The following GRID1 variants were observed in gnomAD, a reference collection of about 807,000 sequenced individuals.
GRID1 encodes glutamate receptor ionotropic, delta-1.
In GRID1, 28 loss-of-function variants were observed where a neutral mutation model predicts 98.0. The ratio of observed to expected loss-of-function variants is 0.29; its 90% confidence interval spans 0.21 to 0.39. GRID1 has a LOEUF of 0.39. GRID1 is among the 10% of genes least tolerant of loss of function. The pLI, the probability that GRID1 is intolerant of heterozygous loss-of-function variation, is 1.00. For missense variants in GRID1, 1,111 were observed against 1,340.5 expected, an observed-to-expected ratio of 0.83 and a Z score of 2.67; for synonymous variants, 553 against 538.5, an observed-to-expected ratio of 1.03 and a Z score of -0.37.
intron 2 of GRID1, among the ~76,000 whole-genome samples, chr10:86,227,772 C>A (rs1398179027): frequency 6.6e-6 from 1 of 152,196 alleles, no homozygotes; most frequent in East Asian, 1.9e-4. Flanking sequence ...TGGCCATCCT[C>A]CCTCCATCAT....
At chr10:85,808,960 T>C (rs1342339240) in intron 8 of GRID1, among the ~76,000 whole-genome samples, 1 of 152,156 alleles carries the variant, frequency 6.6e-6, no homozygotes, top group African/African-American at 2.4e-5. Flanking sequence ...ATTATGTCTA[T>C]ATTATGCTTG....
At chr10:85,800,576 A>G (rs559040382) in intron 8 of GRID1, among the ~76,000 whole-genome samples, 8 of 152,222 alleles carry the variant, frequency 5.3e-5, no homozygotes, top group Admixed American at 2.0e-4. Flanking sequence ...CAAAAGTGGT[A>G]ATTCGAGGAA....
chr10:86,056,346 C>T (rs1455940087), intron 4 of GRID1, among the ~76,000 whole-genome samples: 1 of 152,206 alleles, frequency 6.6e-6, no homozygotes, highest in Non-Finnish European at 1.5e-5. Flanking sequence ...AATGTTGCAA[C>T]AAAGATCTCC....
At chr10:86,283,080 C>G (rs1014650950) in intron 2 of GRID1, among the ~76,000 whole-genome samples, 4 of 152,204 alleles carry the variant, frequency 2.6e-5, no homozygotes, top group Non-Finnish European at 5.9e-5. Context: ...CCCTAGGCAC[C>G]TATCTGCCTG....
intron 5 of GRID1, among the ~76,000 whole-genome samples, chr10:85,873,984 T>G (rs560145271): frequency 6.6e-6 from 1 of 152,360 alleles, no homozygotes; most frequent in African/African-American, 2.4e-5. Flanking sequence ...TTCAAAGCTG[T>G]GCACAATCAC....
chr10:86,127,353 ACT>A (rs1269337353), intron 4 of GRID1, among the ~76,000 whole-genome samples: 1 of 151,952 alleles, frequency 6.6e-6, no homozygotes, highest in South Asian at 2.1e-4. Flanking sequence ...CTGAAGAGTA[ACT>A]CTGCAGGCAG....
At chr10:85,759,347 A>G (rs1842126250) in intron 8 of GRID1, among the ~76,000 whole-genome samples, 5 of 152,086 alleles carry the variant, frequency 3.3e-5, no homozygotes, top group Admixed American at 3.3e-4. Flanking sequence ...GCACCCTTAA[A>G]ACCCTAGAGT....
Position 85,893,476 on chromosome 10 carries a change from G to A in GRID1, c.780+22710C>T, listed in dbSNP as rs113650263. Among the ~76,000 whole-genome samples the A allele has an allele frequency of 2.5e-4, 38 of 152,144 alleles. No individual in the cohort carries two copies. In the East Asian group the frequency reaches 6.2e-3, roughly 25 times the overall value. ...CAGGGATGGCATGATAGTCTATATC[G>A]AAAAATCCCAGGAAATCTAAAACAA... is the stretch of plus-strand genomic sequence containing the variant. On this transcript the variant is annotated intron_variant, in intron 5 of 15. Transcript: ENST00000327946.
At chr10:85,919,470 C>A (rs1459447914) in intron 4 of GRID1, among the ~76,000 whole-genome samples, 1 of 152,158 alleles carries the variant, frequency 6.6e-6, no homozygotes, top group Non-Finnish European at 1.5e-5. Context: ...GAAGGAGAAG[C>A]TACAGCAGAT....
chr10:85,883,482 T>TTCTCTCTCTGTCTCTCTC (rs1841065330), intron 5 of GRID1, among the ~76,000 whole-genome samples: 4 of 150,290 alleles, frequency 2.7e-5, no homozygotes, highest in East Asian at 2.0e-4. Flanking sequence ...TCCTTTGTCC[T>TTCTCTCTCTGTCTCTCTC]TCTCTCTCTG....
Position 85,916,052 on chromosome 10 carries a change from C to T in GRID1, c.780+134G>A. 1.4e-6 allele frequency: 1 copy of T among 693,364 alleles called. No individual in the cohort carries two copies. The highest frequency in any genetic ancestry group is 2.5e-6 in the Non-Finnish European group (1 of 400,674). 43.0% of individuals were successfully genotyped at this position (693,364 alleles called of 1,614,324 possible). A position where few individuals can be genotyped will look rare whatever the true frequency, so the allele number is the denominator to read the frequency against. On this transcript the variant is annotated intron_variant, in intron 5 of 15. Coordinates refer to ENST00000327946, the MANE Select transcript of GRID1 (RefSeq NM_017551.3). The surrounding 1 kb of genome is among the most constrained non-coding windows in gnomAD (Gnocchi z 4.0). ...TCAAGTTCAACTCTTTGAGTTTTTGCCTGGGCTAGGTGGAGCCCCAGGATT... is the reference window on the plus strand; with the variant it reads ...TCAAGTTCAACTCTTTGAGTTTTTGTCTGGGCTAGGTGGAGCCCCAGGATT...
At chr10:85,657,052 C>T (rs1022121274) in intron 12 of GRID1, among the ~76,000 whole-genome samples, 5 of 152,176 alleles carry the variant, frequency 3.3e-5, no homozygotes, top group Non-Finnish European at 4.4e-5. Context: ...CCTCCCTGCC[C>T]TCCCACCTTG....
At chr10:85,734,824 G>A (rs1329969724) in intron 8 of GRID1, among the ~76,000 whole-genome samples, 1 of 152,096 alleles carries the variant, frequency 6.6e-6, no homozygotes, top group African/African-American at 2.4e-5. Context: ...TATAAGGCCA[G>A]AACATAGAAA....
intron 2 of GRID1, among the ~76,000 whole-genome samples, chr10:86,270,396 TA>T (rs1324831777): frequency 6.7e-6 from 1 of 150,078 alleles, no homozygotes; most frequent in East Asian, 2.0e-4. Context: ...ATTTAAAAAA[TA>T]ATAATAATTG....
intron 3 of GRID1, among the ~76,000 whole-genome samples, chr10:86,173,201 C>T (rs1845520345): frequency 6.6e-6 from 1 of 152,160 alleles, no homozygotes; most frequent in Non-Finnish European, 1.5e-5. Context: ...CCATGCTTGG[C>T]TAATTTTTAT....
chr10:86,280,416 A>G (rs536846011), intron 2 of GRID1, among the ~76,000 whole-genome samples: 39 of 152,206 alleles, frequency 2.6e-4, no homozygotes, highest in African/African-American at 8.9e-4. Context: ...AGCACAGTCA[A>G]TGCCAAACTC....
chr10:86,101,134 T>C (rs1303660699), intron 4 of GRID1, among the ~76,000 whole-genome samples: 1 of 152,022 alleles, frequency 6.6e-6, no homozygotes, highest in Non-Finnish European at 1.5e-5. Context: ...GGCATATTCA[T>C]GGGACAGCAA....
intron 4 of GRID1, among the ~76,000 whole-genome samples, chr10:86,061,900 A>G (rs1843653862): frequency 6.6e-6 from 1 of 152,088 alleles, no homozygotes. Flanking sequence ...TTCTTTCTCT[A>G]GTGATAAGCA....
chr10:86,102,707 G>A (rs565027653), intron 4 of GRID1, among the ~76,000 whole-genome samples: 1 of 152,344 alleles, frequency 6.6e-6, no homozygotes, highest in South Asian at 2.1e-4. Flanking sequence ...CCCCAGCCAT[G>A]TGGAACCGTG....
Sources: allele counts gnomAD v4.1 joint callset (sites outside exome capture counted in the v4.1 genomes callset), GRCh38; gene constraint gnomAD v4.1.1; non-coding constraint Gnocchi (gnomAD v3.1); transcripts MANE v1.5; gene names NCBI Gene and HGNC (gene_info 2026-07-23, HGNC 2026-07-21).